The following ANXA7 variants were observed in gnomAD, a reference collection of about 807,000 sequenced individuals.
ANXA7 encodes the protein annexin A7.
In ANXA7, 55 loss-of-function variants were observed where a neutral mutation model predicts 64.9. That is an observed-to-expected ratio of 0.85 (90% CI 0.68 to 1.06). ANXA7 has a LOEUF of 1.06. ANXA7 is among the 50% of genes least tolerant of loss of function. The probability of loss-of-function intolerance (pLI) is 0.00; values close to 1 mark genes in which losing one functional copy is unlikely to be tolerated. For missense variants in ANXA7, 548 were observed against 582.1 expected, an observed-to-expected ratio of 0.94 and a Z score of 0.60; for synonymous variants, 200 against 192.4, an observed-to-expected ratio of 1.04 and a Z score of -0.33.
chr10:73,407,538 G>A (rs1344542595), intron 1 of ANXA7, among the ~76,000 whole-genome samples: 1 of 104,584 alleles, frequency 9.6e-6, no homozygotes. Flanking sequence ...AATACTTTGG[G>A]ATTTCTGGAT....
chr10:73,398,179 A>C lies in ANXA7; in HGVS notation c.259+2T>G. The C allele has an allele frequency of 6.2e-7, 1 of 1,606,378 alleles. No homozygotes were observed. The highest frequency in any genetic ancestry group is 8.5e-7 in the Non-Finnish European group (1 of 1,174,890). ...TTACTAATTCCGCAACCCGTAACTC[A>C]CCTCCGGGATAGGATGGAGCTCCCC... On this transcript the variant is annotated splice_donor_variant, in intron 3 of 12. Coordinates refer to ENST00000372921, the MANE Select transcript of ANXA7 (RefSeq NM_001156.5). LOFTEE classifies it high-confidence loss of function.
At chr10:73,396,175 G>A in intron 5 of ANXA7, 1 of 1,035,132 alleles carries the variant, frequency 9.7e-7, no homozygotes, top group Non-Finnish European at 1.5e-6. Flanking sequence ...ATAAATCACT[G>A]TCAGAAATAC....
At chr10:73,401,531 A>T (rs1387527288) in intron 1 of ANXA7, among the ~76,000 whole-genome samples, 2 of 151,516 alleles carry the variant, frequency 1.3e-5, no homozygotes, top group Non-Finnish European at 2.9e-5. Flanking sequence ...ACGGAGTCTC[A>T]CCCTGTTGCC....
At chr10:73,399,951 G>A (rs1180667885) in intron 2 of ANXA7, among the ~76,000 whole-genome samples, 2 of 152,062 alleles carry the variant, frequency 1.3e-5, no homozygotes, top group Non-Finnish European at 2.9e-5. Context: ...AGACAAGCCT[G>A]GCCAACATGG....
intron 1 of ANXA7, among the ~76,000 whole-genome samples, chr10:73,410,904 T>TA (rs1170628289): frequency 6.6e-6 from 1 of 151,932 alleles, no homozygotes; most frequent in African/African-American, 2.4e-5. Flanking sequence ...CTTGAAGAGC[T>TA]AAAAAAGATC....
Position 73,378,970 on chromosome 10 carries a change from TAG to T in ANXA7, c.1217_1218del (p.Ala406AspfsTer8). On this transcript the variant is annotated frameshift_variant, in exon 12 of 13. Coordinates refer to ENST00000372921, the MANE Select transcript of ANXA7 (RefSeq NM_001156.5). LOFTEE classifies it high-confidence loss of function. ...PAFFAERLYY[A>X]MKGAGTDDST... ...GAGTCATCTGTGCCAGCACCTTTCATAGCATAGTAGAGCCTCTCAGCAAAGAA... is the reference window on the plus strand; with the variant it reads ...GAGTCATCTGTGCCAGCACCTTTCATCATAGTAGAGCCTCTCAGCAAAGAA... The T allele has an allele frequency of 6.2e-7, 1 of 1,613,638 alleles. No individual in the cohort carries two copies. Among genetic ancestry groups the T allele is most frequent in the South Asian group, 1.1e-5 (1 of 90,968 alleles).
At chr10:73,399,267 T>A (rs2055622518) in intron 2 of ANXA7, among the ~76,000 whole-genome samples, 1 of 152,166 alleles carries the variant, frequency 6.6e-6, no homozygotes, top group East Asian at 1.9e-4. Flanking sequence ...AAGAAATACA[T>A]TTGTTTTTTC....
At chr10:73,395,824 A>G (rs191788068) in intron 5 of ANXA7, 4 of 643,232 alleles carry the variant, frequency 6.2e-6, no homozygotes. Flanking sequence ...AGTAGGGCAA[A>G]TATTTGACAT....
chr10:73,390,727 T>A (rs1302170919), intron 5 of ANXA7, among the ~76,000 whole-genome samples: 3 of 132,042 alleles, frequency 2.3e-5, no homozygotes, highest in African/African-American at 6.1e-5. Context: ...TATAAAAATA[T>A]ATATATACAC....
At chr10:73,377,787 T>TGC (rs1249237616) in intron 12 of ANXA7, among the ~76,000 whole-genome samples, 1 of 149,094 alleles carries the variant, frequency 6.7e-6, no homozygotes, top group African/African-American at 2.5e-5. Context: ...TGTGTGTGTG[T>TGC]GTGTGTGTGT....
At chr10:73,382,609 G>A (rs566787839) in intron 9 of ANXA7, among the ~76,000 whole-genome samples, 1 of 152,290 alleles carries the variant, frequency 6.6e-6, no homozygotes, top group Admixed American at 6.5e-5. Flanking sequence ...GCCTCCAAAA[G>A]TGCTGGAATT....
intron 1 of ANXA7, chr10:73,408,325 G>GAAAAAAAAAAAAAAA (rs932399763): frequency 8.9e-6 from 1 of 112,856 alleles, no homozygotes. Flanking sequence ...CAAGGAAAAA[G>GAAAAAAAAAAAAAAA]AAAAAAAAAA....
chr10:73,409,307 C>T lies in ANXA7; in HGVS notation c.-2+4705G>A, dbSNP rs1032857776. Among the ~76,000 whole-genome samples, 14 of 152,250 alleles carry T rather than the reference C, an allele frequency of 9.2e-5. No homozygotes were observed. In the East Asian group the frequency reaches 2.3e-3, roughly 25 times the overall value. On this transcript the variant is annotated intron_variant, in intron 1 of 12. Transcript: ENST00000372921. ...GACTCTTAGATTTGATAAATGAAAT[C>T]GGTAAAGTCTCAGGTTACAAAATCA... is the stretch of plus-strand genomic sequence containing the variant.
chr10:73,384,126 A>T (rs1446952475), intron 7 of ANXA7, among the ~76,000 whole-genome samples: 1 of 152,082 alleles, frequency 6.6e-6, no homozygotes, highest in Non-Finnish European at 1.5e-5. Flanking sequence ...GTCTCAAAAA[A>T]AAAAATAAAT....
intron 5 of ANXA7, among the ~76,000 whole-genome samples, chr10:73,393,882 T>A (rs2055526699): frequency 6.6e-6 from 1 of 152,204 alleles, no homozygotes; most frequent in African/African-American, 2.4e-5. Flanking sequence ...ACCAAAGAGC[T>A]TCTGCACGGC....
rs2055150172 is a variant in ANXA7, at chr10:73,375,130, A to C, written c.*965T>G. 6.6e-6 allele frequency: 1 copy of C among 152,250 alleles called. No homozygotes were observed. Among genetic ancestry groups the C allele is most frequent in the Non-Finnish European group, 1.5e-5 (1 of 68,060 alleles). The allele number at this position is 152,250 out of a possible 1,614,324, so 9.4% of individuals were successfully genotyped here. On this transcript the variant is annotated 3_prime_UTR_variant, in exon 13 of 13. Transcript: ENST00000372921. ...GTATACCATTTATACGTGGAATCTA[A>C]AATAGCTGAACTTAAACACAGTGGT...
intron 1 of ANXA7, among the ~76,000 whole-genome samples, chr10:73,405,867 C>A (rs2055748825): frequency 1.3e-5 from 2 of 152,308 alleles, no homozygotes; most frequent in South Asian, 4.1e-4. Flanking sequence ...CATTCTCCAC[C>A]ACACCACTCT....
Position 73,375,988 on chromosome 10 carries a change from A to G in ANXA7, c.*107T>C. 2 of 954,102 alleles carry G rather than the reference A, an allele frequency of 2.1e-6. No homozygotes were observed. Among genetic ancestry groups the G allele is most frequent in the Non-Finnish European group, 3.0e-6 (2 of 677,746 alleles). 59.1% of individuals were successfully genotyped at this position (954,102 alleles called of 1,614,324 possible). A position where few individuals can be genotyped will look rare whatever the true frequency, so the allele number is the denominator to read the frequency against. On this transcript the variant is annotated 3_prime_UTR_variant, in exon 13 of 13. Transcript: ENST00000372921. ...TTACCCTGATACGGTCCTTGACAGAAAGCTCTTTCGGTTAGCTGATGTTTG... is the reference window on the plus strand; with the variant it reads ...TTACCCTGATACGGTCCTTGACAGAGAGCTCTTTCGGTTAGCTGATGTTTG...
intron 5 of ANXA7, among the ~76,000 whole-genome samples, chr10:73,391,681 C>G (rs539130822): frequency 6.6e-6 from 1 of 152,216 alleles, no homozygotes; most frequent in Admixed American, 6.6e-5. Flanking sequence ...AGAACTGGAT[C>G]AATCAGGAGG....
Sources: gnomAD v4.1 joint callset for allele counts (sites outside exome capture counted in the v4.1 genomes callset) on GRCh38, gnomAD v4.1.1 for gene constraint, MANE v1.5 for transcripts, NCBI Gene and HGNC (gene_info 2026-07-23, HGNC 2026-07-21) for gene names.